ZNF300: variants seen among roughly 807,000 people sequenced by gnomAD.
The protein encoded by ZNF300 is zinc finger protein 300.
A neutral mutation model predicts 13.9 loss-of-function variants in ZNF300; 6 were observed. The observed-to-expected ratio is 0.43, with a 90% confidence interval of 0.24 to 0.85. The LOEUF is 0.85. ZNF300 is among the 40% of genes least tolerant of loss of function. The pLI, the probability that ZNF300 is intolerant of heterozygous loss-of-function variation, is 0.25. For missense variants in ZNF300, 662 were observed against 714.2 expected (o/e 0.93, Z 0.83); for synonymous variants, 237 against 242.2 (o/e 0.98, Z 0.20).
intron 2 of ZNF300, chr5:150,903,481 T>C (rs1264929516): frequency 1.1e-6 from 1 of 917,018 alleles, no homozygotes; most frequent in Admixed American, 2.1e-5. Context: ...CTGTTCCCCT[T>C]GGGAATCAGC....
chr5:150,894,617 GAGAGT>G lies in ZNF300; in HGVS notation c.*802_*806del, dbSNP rs1479613436. 6.6e-6 allele frequency: 1 copy of G among 152,256 alleles called. No individual in the cohort carries two copies. Among genetic ancestry groups the G allele is most frequent in the African/African-American group, 2.4e-5 (1 of 41,428 alleles). The allele number at this position is 152,256 out of a possible 1,614,324, so 9.4% of individuals were successfully genotyped here. ...TCTTAACATCTAATGCTTCAAGATAGAGAGTAAAGATTTAAAAAGTACTAATATTA... is the reference window on the plus strand; with the variant it reads ...TCTTAACATCTAATGCTTCAAGATAGAAAGATTTAAAAAGTACTAATATTA... On this transcript the variant is annotated 3_prime_UTR_variant, in exon 6 of 6. Coordinates refer to ENST00000274599, the MANE Select transcript of ZNF300 (RefSeq NM_052860.4).
Position 150,895,136 on chromosome 5 carries a change from T to C in ZNF300, c.*288A>G, listed in dbSNP as rs2113306981. 1 of 273,808 alleles carries C rather than the reference T, an allele frequency of 3.7e-6. No homozygotes were observed. The highest frequency in any genetic ancestry group is 6.8e-6 in the Non-Finnish European group (1 of 147,808). The allele number at this position is 273,808 out of a possible 1,614,324, so 17.0% of individuals were successfully genotyped here. A position where few individuals can be genotyped will look rare whatever the true frequency, so the allele number is the denominator to read the frequency against. Reference sequence around the variant, plus strand: ...TTCACAATGGCTGATTATCATTTTGTAGTATAAGGAATATGCAACTTGACA... The same window carrying C: ...TTCACAATGGCTGATTATCATTTTGCAGTATAAGGAATATGCAACTTGACA... On this transcript the variant is annotated 3_prime_UTR_variant, in exon 6 of 6. Coordinates refer to ENST00000274599, the MANE Select transcript of ZNF300 (RefSeq NM_052860.4).
At chr5:150,900,469 T>C (rs968341237) in intron 3 of ZNF300, 1 of 152,152 alleles carries the variant, frequency 6.6e-6, no homozygotes, top group Non-Finnish European at 1.5e-5. Flanking sequence ...CTCTCTGCTA[T>C]AACAGTACCT....
intron 3 of ZNF300, among the ~76,000 whole-genome samples, chr5:150,902,407 A>C (rs1755022134): frequency 3.9e-5 from 6 of 152,230 alleles, no homozygotes. Context: ...TAATGAATTT[A>C]CCTGTGGATA....
intron 3 of ZNF300, among the ~76,000 whole-genome samples, chr5:150,901,330 A>G (rs1754988274): frequency 6.6e-6 from 1 of 152,098 alleles, no homozygotes; most frequent in Admixed American, 6.6e-5. Context: ...CCCATATATT[A>G]CTCAAGATAT....
chr5:150,904,430 C>G (rs1023519136), intron 1 of ZNF300, among the ~76,000 whole-genome samples: 1 of 151,900 alleles, frequency 6.6e-6, no homozygotes, highest in Admixed American at 6.6e-5. Context: ...ACATGGACGC[C>G]CCCATCATTT....
At chr5:150,897,304 T>C (rs1035893783) in intron 5 of ZNF300, 1 of 211,462 alleles carries the variant, frequency 4.7e-6, no homozygotes, top group Non-Finnish European at 9.3e-6. Context: ...ATATTATAAA[T>C]CATGTGCTAC....
chr5:150,903,084 A>G, intron 3 of ZNF300, 57 bp downstream of exon 3: 4 of 1,550,282 alleles, frequency 2.6e-6, no homozygotes, highest in Non-Finnish European at 3.5e-6. Context: ...TTTACTTTCC[A>G]TTTGATTGTA....
In ZNF300 at chr5:150,896,965, T is replaced by A. The variant is rs754929933; in HGVS notation, c.274A>T (p.Ser92Cys). Reference protein sequence around the residue: ...YQADGRQDRKSNLHNSQSCIL... With the variant: ...YQADGRQDRKCNLHNSQSCIL... ...CATGACTGGGAGTTGTGAAGGTTAC[T>A]CTTCCTGTCTAAAAGAAGAAAAGAT... Residue 92 changes from serine (S) to cysteine (C), a missense_variant, in exon 6 of 6, where the codon AGT (serine) becomes TGT (cysteine). Coordinates refer to ENST00000274599, the MANE Select transcript of ZNF300 (RefSeq NM_052860.4). 1.8e-5 allele frequency: 29 copies of A among 1,605,810 alleles called. No homozygotes were observed. Among genetic ancestry groups the A allele is most frequent in the Non-Finnish European group, 2.5e-5 (29 of 1,176,688 alleles).
rs367739776 is a variant in ZNF300 at position 150,898,469 on chromosome 5, C to T, written c.101G>A (p.Arg34Lys). The T allele has an allele frequency of 2.5e-6, 4 of 1,613,308 alleles. No homozygotes were observed. The highest frequency in any genetic ancestry group is 3.4e-6 in the Non-Finnish European group (4 of 1,179,576). The change falls in exon 4 of 6, where the codon AGG becomes AAG. Residue 34 changes from arginine to lysine, a missense_variant. Coordinates refer to ENST00000274599, the MANE Select transcript of ZNF300 (RefSeq NM_052860.4). ...GCTGTAGTTCTCCAGCATCACATCC[C>T]TGTACAGGGTCCTCTGAGAAGGGTC... ...QLDPSQRTLY[R>K]DVMLENYSHL...
At chr5:150,903,004 AC>A (rs1346298119) in intron 3 of ZNF300, 136 bp downstream of exon 3, 1 of 873,300 alleles carries the variant, frequency 1.1e-6, no homozygotes, top group East Asian at 2.5e-5. Flanking sequence ...TTTACATATT[AC>A]CTAGAAACTC....
Position 150,904,963 on chromosome 5 carries a change from G to C in ZNF300, c.-401C>G, listed in dbSNP as rs1755095494. 1 of 152,350 alleles carries C rather than the reference G, an allele frequency of 6.6e-6. No individual in the cohort carries two copies. Among genetic ancestry groups the C allele is most frequent in the Admixed American group, 6.5e-5 (1 of 15,292 alleles). The allele number at this position is 152,350 out of a possible 1,614,324, so 9.4% of individuals were successfully genotyped here. On this transcript the variant is annotated 5_prime_UTR_variant, in exon 1 of 6. Coordinates refer to ENST00000274599, the MANE Select transcript of ZNF300 (RefSeq NM_052860.4). ...TTTCCGCATGGGGCCGCCATCTTGA[G>C]AGCCCGGTCGTCTTCGTACTAGCGG...
intron 5 of ZNF300, chr5:150,897,194 T>A: frequency 2.4e-6 from 1 of 412,412 alleles, no homozygotes. Context: ...TTAAAAGAGA[T>A]GAAAAAGTGG....
In ZNF300 at chr5:150,896,005, T is replaced by C. The variant is rs1180218034; in HGVS notation, c.1234A>G (p.Thr412Ala). Residue 412 changes from threonine (T) to alanine (A), a missense_variant, in exon 6 of 6, where the codon ACC becomes GCC. By Grantham distance (58) the Thr-to-Ala change is moderately conservative (BLOSUM62 0). Coordinates refer to ENST00000274599, the MANE Select transcript of ZNF300 (RefSeq NM_052860.4). ...AHTGEKPYEC[T>A]ECGKAFCEKS... is the part of the protein sequence containing the mutation. ...TCACAGAAGGCTTTCCCACATTCGG[T>C]ACACTCATACGGCTTCTCTCCAGTA... The C allele has an allele frequency of 1.2e-6, 2 of 1,613,516 alleles. No homozygotes were observed. Among genetic ancestry groups the C allele is most frequent in the Admixed American group, 1.7e-5 (1 of 59,844 alleles).
chr5:150,896,652 GGTTTT>G lies in ZNF300; in HGVS notation c.582_586del (p.Leu194PhefsTer4). The G allele has an allele frequency of 6.2e-7, 1 of 1,613,262 alleles. No homozygotes were observed. The highest frequency in any genetic ancestry group is 1.3e-5 in the African/African-American group (1 of 74,934). ...ATAACAACTCGGTAGGTCAATATTT[GGTTTT>G]AAGTTCTTTTTAAAAGCATCATATT... is the stretch of plus-strand genomic sequence containing the variant. On this transcript the variant is annotated frameshift_variant, in exon 6 of 6. Coordinates refer to ENST00000274599, the MANE Select transcript of ZNF300 (RefSeq NM_052860.4). LOFTEE classifies it low-confidence loss of function (END_TRUNC).
Position 150,898,098 on chromosome 5 carries a change from T to G in ZNF300, c.229A>C (p.Ile77Leu). 1 of 1,613,622 alleles carries G rather than the reference T, an allele frequency of 6.2e-7. No homozygotes were observed. Among genetic ancestry groups the G allele is most frequent in the African/African-American group, 1.3e-5 (1 of 75,014 alleles). ...WIIKGDISNW[I>L]YPDEYQADGR... is the part of the protein sequence containing the mutation. ...TCTGCCTGATATTCATCTGGATAGA[T>G]CCAATTTGATATGTCTCCCTTTATG... The change falls in exon 5 of 6, where the codon ATC becomes CTC. Residue 77 changes from isoleucine to leucine, a missense_variant. Coordinates refer to ENST00000274599, the MANE Select transcript of ZNF300 (RefSeq NM_052860.4).
Position 150,896,764 on chromosome 5 carries a change from C to T in ZNF300, c.475G>A (p.Ala159Thr), listed in dbSNP as rs1322610401. Residue 159 changes from alanine (A) to threonine (T), a missense_variant, in exon 6 of 6, where the codon GCA becomes ACA. Coordinates refer to ENST00000274599, the MANE Select transcript of ZNF300 (RefSeq NM_052860.4). ...AGTGGATTATATTTATGCCCTGATG[C>T]CTCAGTCACTGTTTTGCTGTTAACA... is the stretch of plus-strand genomic sequence containing the variant. Reference protein sequence around the residue: ...TFVNSKTVTEASGHKYNPLGK... With the variant: ...TFVNSKTVTETSGHKYNPLGK... The T allele has an allele frequency of 1.9e-6, 3 of 1,613,646 alleles. No homozygotes were observed. The highest frequency in any genetic ancestry group is 2.7e-5 in the African/African-American group (2 of 74,890).
Position 150,895,532 on chromosome 5 carries a change from C to A in ZNF300, c.1707G>T (p.Arg569Ser), listed in dbSNP as rs1344475261. ...GATAGGGTCTTTCCCCAGTATGAAT[C>A]CTCTGATGTAAAACAAGGTCTGACT... ...SQKSDLVLHQ[R>S]IHTGERPYQC... The change falls in exon 6 of 6, where the codon AGG (arginine) becomes AGT (serine). Residue 569 changes from arginine (R) to serine (S), a missense_variant. Physicochemically the swap from Arg to Ser is moderately radical, Grantham distance 110 (BLOSUM62 -1). Transcript: ENST00000274599. 1.2e-6 allele frequency: 2 copies of A among 1,613,376 alleles called. No homozygotes were observed. Among genetic ancestry groups the A allele is most frequent in the Admixed American group, 3.3e-5 (2 of 59,844 alleles).
Position 150,895,983 on chromosome 5 carries a change from C to T in ZNF300, c.1256G>A (p.Cys419Tyr), listed in dbSNP as rs191242853. 3.5e-4 allele frequency: 571 copies of T among 1,613,276 alleles called. 8 individuals carry two copies. The East Asian group carries it at 4.1e-3, about 12-fold the overall frequency. ...YECTECGKAF[C>Y]EKSHLIIHKR... is the part of the protein sequence containing the mutation. ...ATGTATAATGAGGTGGGACTTCTCA[C>T]AGAAGGCTTTCCCACATTCGGTACA... The change falls in exon 6 of 6, where the codon TGT becomes TAT. Residue 419 changes from cysteine to tyrosine, a missense_variant. Physicochemically the swap from Cys to Tyr is radical, Grantham distance 194 (BLOSUM62 -2). Transcript: ENST00000274599.
Sources: allele counts gnomAD v4.1 joint callset (sites outside exome capture counted in the v4.1 genomes callset), GRCh38; gene constraint gnomAD v4.1.1; transcripts MANE v1.5; gene names NCBI Gene and HGNC (gene_info 2026-07-23, HGNC 2026-07-21).